The following BIRC5 variants were observed in gnomAD, a reference collection of about 807,000 sequenced individuals.
The protein encoded by BIRC5 is baculoviral IAP repeat-containing protein 5.
BIRC5 carries 8 observed loss-of-function variants against 15.8 expected under a neutral mutation model. That is an observed-to-expected ratio of 0.51 (90% confidence interval 0.30 to 0.91). The LOEUF (loss-of-function observed/expected upper bound fraction) is 0.91. Among genes scored for constraint, BIRC5 ranks in the 40% least tolerant of loss-of-function variants. BIRC5 has a pLI of 0.07. For missense variants in BIRC5, 163 were observed against 178.6 expected (o/e 0.91, Z 0.50); for synonymous variants, 56 against 64.5 (o/e 0.87, Z 0.63).
intron 3 of BIRC5, among the ~76,000 whole-genome samples, chr17:78,219,060 C>T (rs974711729): frequency 5.3e-5 from 8 of 152,176 alleles, no homozygotes; most frequent in African/African-American, 1.9e-4. Context: ...TTAAGCCAGT[C>T]GTGCTCATGC....
At chr17:78,216,855 G>T in intron 3 of BIRC5, 74 bp downstream of exon 3, 1 of 1,164,054 alleles carries the variant, frequency 8.6e-7, no homozygotes. Context: ...TCCCTCAAAG[G>T]GACTCTGTGT....
chr17:78,214,777 A>G lies in BIRC5; in HGVS notation c.209A>G (p.Asp70Gly), dbSNP rs769642508. ...AAGGAGCTGGAAGGCTGGGAGCCAG[A>G]TGACGACCCCATGTAAGTCTTCTCT... ...CFKELEGWEP[D>G]DDPIEEHKKH... The change falls in exon 2 of 4, where the codon GAT (aspartate) becomes GGT (glycine). Residue 70 changes from aspartate to glycine, a missense_variant. Asp to Gly is a moderately conservative substitution (Grantham distance 94). Transcript: ENST00000350051. 3.7e-6 allele frequency: 6 copies of G among 1,612,788 alleles called. No individual in the cohort carries two copies. The highest frequency in any genetic ancestry group is 1.6e-4 in the Middle Eastern group (1 of 6,080).
In BIRC5 at chr17:78,223,801, G is replaced by A; in HGVS notation, c.*247G>A. The A allele has an allele frequency of 1.3e-6, 1 of 783,132 alleles. No individual in the cohort carries two copies. Among genetic ancestry groups the A allele is most frequent in the Non-Finnish European group, 1.9e-6 (1 of 533,648 alleles). 48.5% of individuals were successfully genotyped at this position (783,132 alleles called of 1,614,324 possible). ...CTCTCTCTCTCTCTCTTTTTTGGGG[G>A]CTCATTTTTGCTGTTTTGATTCCCG... On this transcript the variant is annotated 3_prime_UTR_variant, in exon 4 of 4. Transcript: ENST00000350051.
intron 3 of BIRC5, among the ~76,000 whole-genome samples, chr17:78,222,466 A>C (rs901709461): frequency 7.2e-5 from 11 of 152,154 alleles, no homozygotes; most frequent in African/African-American, 2.4e-4. Flanking sequence ...CATGAGTTCG[A>C]GACCAACCTG....
chr17:78,220,745 G>A (rs2467572), intron 3 of BIRC5, among the ~76,000 whole-genome samples: 97,228 of 151,858 alleles, frequency 0.64, 31,156 homozygotes, highest in Middle Eastern at 0.76. Context: ...TTTTTGAGAC[G>A]GGGTCTTACT....
Position 78,224,051 on chromosome 17 carries a change from G to GTGTTTTTTTTT in BIRC5, c.*498_*499insGTTTTTTTTTT. 8.7e-6 allele frequency: 1 copy of GTGTTTTTTTTT among 114,834 alleles called. No individual in the cohort carries two copies. The highest frequency in any genetic ancestry group is 3.0e-4 in the South Asian group (1 of 3,314). The allele number at this position is 114,834 out of a possible 1,614,324, so 7.1% of individuals were successfully genotyped here. On this transcript the variant is annotated 3_prime_UTR_variant, in exon 4 of 4. Coordinates refer to ENST00000350051, the MANE Select transcript of BIRC5 (RefSeq NM_001168.3). ...CTCCTCAGAGGACAGTTTTTTTGTT[G>GTGTTTTTTTTT]TTGTGTTTTTTTGTTTTTTTTTTTT... is the stretch of plus-strand genomic sequence containing the variant.
chr17:78,214,697 CA>C lies in BIRC5; in HGVS notation c.130del (p.Ile44SerfsTer31). ...CCTTGCAGATGGCCGAGGCTGGCTT[CA>C]TCCACTGCCCCACTGAGAACGAGCC... is the stretch of plus-strand genomic sequence containing the variant. Reference protein sequence around the residue: ...TPERMAEAGFIHCPTENEPDL... With the variant: ...TPERMAEAGFXHCPTENEPDL... On this transcript the variant is annotated frameshift_variant, in exon 2 of 4. Coordinates refer to ENST00000350051, the MANE Select transcript of BIRC5 (RefSeq NM_001168.3). LOFTEE classifies it high-confidence loss of function. The C allele has an allele frequency of 6.2e-7, 1 of 1,607,806 alleles. No individual in the cohort carries two copies. The highest frequency in any genetic ancestry group is 8.5e-7 in the Non-Finnish European group (1 of 1,177,668).
intron 2 of BIRC5, among the ~76,000 whole-genome samples, chr17:78,215,464 GTGT>G (rs1331254386): frequency 6.6e-6 from 1 of 151,926 alleles, no homozygotes; most frequent in South Asian, 2.1e-4. Context: ...ATATACTTCA[GTGT>G]TGTTCTGGAT....
rs1599033593 is a variant in BIRC5, at chr17:78,223,408, C to T, written c.340-57C>T. On this transcript the variant is annotated intron_variant, in intron 3 of 3. Transcript: ENST00000350051. Reference sequence around the variant, plus strand: ...GTTTTTTCCTTTGTCATCTTATCTACAGGATGTGACTGGGAAGCTCTGGTT... The same window carrying T: ...GTTTTTTCCTTTGTCATCTTATCTATAGGATGTGACTGGGAAGCTCTGGTT... 3.4e-6 allele frequency: 5 copies of T among 1,462,174 alleles called. No homozygotes were observed. The East Asian group carries it at 1.2e-4, about 34-fold the overall frequency. The allele number at this position is 1,462,174 out of a possible 1,614,324, so 90.6% of individuals were successfully genotyped here.
chr17:78,214,406 C>A lies in BIRC5; in HGVS notation c.90C>A (p.Gly30=). Residue 30 remains glycine (G), a synonymous_variant, in exon 1 of 4, where the codon GGC becomes GGA. Transcript: ENST00000350051. ...STFKNWPFLE[G]CACTPERMAE... ...TCAAGAACTGGCCCTTCTTGGAGGGCTGCGCCTGCACCCCGGAGCGGGTGA... is the reference window on the plus strand; with the variant it reads ...TCAAGAACTGGCCCTTCTTGGAGGGATGCGCCTGCACCCCGGAGCGGGTGA... 6.3e-7 allele frequency: 1 copy of A among 1,590,064 alleles called. No homozygotes were observed. Among genetic ancestry groups the A allele is most frequent in the Non-Finnish European group, 8.6e-7 (1 of 1,167,488 alleles).
intron 3 of BIRC5, 93 bp downstream of exon 3, chr17:78,216,874 G>T: frequency 1.0e-6 from 1 of 999,574 alleles, no homozygotes; most frequent in Non-Finnish European, 1.5e-6. Context: ...GTTTTCCTCA[G>T]GAAGCATTTT....
rs140169554 is a variant in BIRC5 at position 78,223,650 on chromosome 17, T to C, written c.*96T>C. The C allele has an allele frequency of 3.3e-5, 52 of 1,575,774 alleles. No homozygotes were observed. Among genetic ancestry groups the C allele is most frequent in the Non-Finnish European group, 4.5e-5 (52 of 1,161,670 alleles). ...AGCCTTCCTGTGGGCCCCTTAGCAA[T>C]GTCTTAGGAAAGGAGATCAACATTT... On this transcript the variant is annotated 3_prime_UTR_variant, in exon 4 of 4. Transcript: ENST00000350051.
At chr17:78,221,294 C>T (rs1442822488) in intron 3 of BIRC5, among the ~76,000 whole-genome samples, 1 of 152,184 alleles carries the variant, frequency 6.6e-6, no homozygotes, top group East Asian at 1.9e-4. Context: ...CTCTGTTGCT[C>T]AGGCTGGAGT....
Position 78,214,393 on chromosome 17 carries a change from C to A in BIRC5, c.77C>A (p.Pro26His), listed in dbSNP as rs765188612. 2 of 1,599,454 alleles carry A rather than the reference C, an allele frequency of 1.3e-6. No homozygotes were observed. Among genetic ancestry groups the A allele is most frequent in the Non-Finnish European group, 8.5e-7 (1 of 1,172,760 alleles). The change falls in exon 1 of 4, where the codon CCC (proline) becomes CAC (histidine). Residue 26 changes from proline (P) to histidine (H), a missense_variant. Physicochemically the swap from Pro to His is moderately conservative, Grantham distance 77 (BLOSUM62 -2). Coordinates refer to ENST00000350051, the MANE Select transcript of BIRC5 (RefSeq NM_001168.3). ...CGCATCTCTACATTCAAGAACTGGC[C>A]CTTCTTGGAGGGCTGCGCCTGCACC... ...DHRISTFKNW[P>H]FLEGCACTPE... is the part of the protein sequence containing the mutation.
intron 3 of BIRC5, among the ~76,000 whole-genome samples, chr17:78,217,699 G>A (rs185388252): frequency 1.1e-3 from 159 of 150,282 alleles, no homozygotes; most frequent in African/African-American, 3.5e-3. Context: ...GGTTTTCACC[G>A]TGTTAGCCAG....
intron 1 of BIRC5, 31 bp downstream of exon 1, chr17:78,214,458 A>G: frequency 6.0e-6 from 9 of 1,506,670 alleles, no homozygotes; most frequent in Non-Finnish European, 8.0e-6. Flanking sequence ...GGGGTCCCCC[A>G]CGCCCGCCTT....
chr17:78,223,267 G>A (rs1599033537), intron 3 of BIRC5, among the ~76,000 whole-genome samples, 198 bp from the exon 4 acceptor site: 1 of 152,208 alleles, frequency 6.6e-6, no homozygotes, highest in Non-Finnish European at 1.5e-5. Context: ...CGATGATTAG[G>A]AGGCAGCTTA....
In BIRC5 at chr17:78,223,864, T is replaced by G. The variant is rs17879146; in HGVS notation, c.*310T>G. On this transcript the variant is annotated 3_prime_UTR_variant, in exon 4 of 4. Transcript: ENST00000350051. The stretch of plus-strand genomic sequence containing the variant: ...GAGAAGTGAGGGAGGAAGAAGGCAG[T>G]GTCCCTTTTGCTAGAGCTGACAGCT... 0.014 allele frequency: 7,102 copies of G among 492,660 alleles called. 79 individuals are homozygous for G. The highest frequency in any genetic ancestry group is 0.023 in the South Asian group (688 of 29,954). The allele number at this position is 492,660 out of a possible 1,614,324, so 30.5% of individuals were successfully genotyped here.
At chr17:78,219,405 G>A (rs768540138) in intron 3 of BIRC5, among the ~76,000 whole-genome samples, 5 of 151,918 alleles carry the variant, frequency 3.3e-5, no homozygotes, top group South Asian at 2.1e-4. Context: ...AGCTGGTCTC[G>A]AACTCCTGGC....
Sources: allele counts gnomAD v4.1 joint callset (sites outside exome capture counted in the v4.1 genomes callset), GRCh38; gene constraint gnomAD v4.1.1; transcripts MANE v1.5; gene names NCBI Gene and HGNC (gene_info 2026-07-23, HGNC 2026-07-21).